MYH16: variants seen among roughly 807,000 people sequenced by gnomAD.
The protein encoded by MYH16 is putative uncharacterized protein MYH16.
chr7:99,292,530 A>G (rs142043869), intron 32 of MYH16, 22 bp downstream of exon 13: 2 of 455,722 alleles, frequency 4.4e-6, no homozygotes, highest in African/African-American at 2.0e-5. Flanking sequence ...CTTCCTGTTG[A>G]GAGAGCCAGG....
At chr7:99,245,068 G>A (rs1791712339) in intron 2 of MYH16, among the ~76,000 whole-genome samples, 1 of 152,206 alleles carries the variant, frequency 6.6e-6, no homozygotes, top group East Asian at 1.9e-4. Context: ...GACCACAGCA[G>A]GGAGGTAACT....
In MYH16 at chr7:99,278,839, G is replaced by C. The variant is rs189074781; in HGVS notation, n.2660-671G>C. Among the ~76,000 whole-genome samples the C allele has an allele frequency of 2.3e-3, 347 of 152,282 alleles. 1 individual carries two copies. The highest frequency in any genetic ancestry group is 8.2e-3 in the African/African-American group (341 of 41,562). On this transcript the variant is annotated intron_variant and non_coding_transcript_variant, in intron 21 of 41. Transcript: ENST00000439784. Reference sequence around the variant, plus strand: ...TCTTCATACCCCTGAGAAGTTGCTTGAACTGATATCCCCATTTTGTTTGTG... The same window carrying C: ...TCTTCATACCCCTGAGAAGTTGCTTCAACTGATATCCCCATTTTGTTTGTG...
rs1791682433 is a variant in MYH16 at position 99,242,995 on chromosome 7, A to T, written n.211-283A>T. On this transcript the variant is annotated intron_variant and non_coding_transcript_variant, in intron 1 of 41. Transcript: ENST00000439784. ...TAGGGAGGGAACGTCATAGTTTTTA[A>T]GGTATTTTTACATGATTCCACTTAA... Among the ~76,000 whole-genome samples, 3 of 152,232 alleles carry T rather than the reference A, an allele frequency of 2.0e-5. No homozygotes were observed. The South Asian group carries it at 6.2e-4, about 32-fold the overall frequency.
chr7:99,281,007 G>A (rs930834005), intron 23 of MYH16, 27 bp downstream of exon 5: 3 of 355,232 alleles, frequency 8.4e-6, no homozygotes, highest in South Asian at 4.1e-5. Flanking sequence ...TCTTCCCTCA[G>A]CCCAGCAGCT....
chr7:99,283,512 T>G (rs1584351998), intron 23 of MYH16, 53 bp from the exon 6 acceptor site: 1 of 454,324 alleles, frequency 2.2e-6, no homozygotes, highest in East Asian at 6.9e-5. Flanking sequence ...TCAGGACTGT[T>G]CAGCTGCTCC....
chr7:99,260,145 T>C, intron 11 of MYH16: 1 of 1,588,224 alleles, frequency 6.3e-7, no homozygotes, highest in Non-Finnish European at 8.6e-7. Flanking sequence ...CCCCTCTTTC[T>C]GCCCTCCTGC....
intron 41 of MYH16, among the ~76,000 whole-genome samples, chr7:99,306,360 T>G (rs1481552450): frequency 6.6e-6 from 1 of 152,004 alleles, no homozygotes; most frequent in Non-Finnish European, 1.5e-5. Context: ...GAAACCCATC[T>G]CTACTGAAAA....
intron 20 of MYH16, among the ~76,000 whole-genome samples, chr7:99,276,792 A>AT (rs1792117234): frequency 6.6e-6 from 1 of 152,176 alleles, no homozygotes; most frequent in African/African-American, 2.4e-5. Flanking sequence ...AGAGAGAGGG[A>AT]GAGTAAGAGA....
At chr7:99,289,722 G>A (rs1024970137) in intron 30 of MYH16, among the ~76,000 whole-genome samples, 1 of 152,142 alleles carries the variant, frequency 6.6e-6, no homozygotes, top group African/African-American at 2.4e-5. Flanking sequence ...GCGAACATGT[G>A]TCAACGATTT....
intron 1 of MYH16, among the ~76,000 whole-genome samples, chr7:99,241,291 C>A (rs975426693): frequency 3.9e-5 from 6 of 152,204 alleles, no homozygotes; most frequent in African/African-American, 7.2e-5. Context: ...CAGAATAAAA[C>A]CCAGCTTGAG....
At chr7:99,279,934 C>T (rs890651798) in intron 22 of MYH16, among the ~76,000 whole-genome samples, 197 bp downstream of exon 4, 1 of 152,198 alleles carries the variant, frequency 6.6e-6, no homozygotes, top group African/African-American at 2.4e-5. Flanking sequence ...GGCAGTAGTG[C>T]GACCTCAGCT....
chr7:99,284,037 C>T lies in MYH16; in HGVS notation n.3225+19C>T, dbSNP rs1478220738. ...TGAAAAAGTATGTCTTGTCGTCGTT[C>T]GTTTTGTCCATCACAATGGTAGCAA... On this transcript the variant is annotated intron_variant and non_coding_transcript_variant, in intron 25 of 41. Transcript: ENST00000439784. The T allele has an allele frequency of 2.3e-6, 1 of 437,688 alleles. No individual in the cohort carries two copies. 27.1% of individuals were successfully genotyped at this position (437,688 alleles called of 1,614,324 possible). A position where few individuals can be genotyped will look rare whatever the true frequency, so the allele number is the denominator to read the frequency against.
rs537552201 is a variant in MYH16, at chr7:99,257,124, C to T, written n.997-178C>T. 3.3e-5 allele frequency among the ~76,000 whole-genome samples: 5 copies of T among 152,268 alleles called. No homozygotes were observed. In the East Asian group the frequency reaches 5.8e-4, roughly 18 times the overall value. On this transcript the variant is annotated intron_variant and non_coding_transcript_variant, in intron 9 of 41. Transcript: ENST00000439784. ...GTAAATAAATGAAATGACTATATTG[C>T]AGAACATCTGATCTGGGCCCCTTGG...
In MYH16 at chr7:99,240,025, G is replaced by T. The variant is rs1381925334; in HGVS notation, n.210+987G>T. Among the ~76,000 whole-genome samples, 17 of 144,060 alleles carry T rather than the reference G, an allele frequency of 1.2e-4. No individual in the cohort carries two copies. The South Asian group carries it at 3.5e-3, about 30-fold the overall frequency. 94.5% of individuals were successfully genotyped at this position (144,060 alleles called of 152,430 possible). A position where few individuals can be genotyped will look rare whatever the true frequency, so the allele number is the denominator to read the frequency against. On this transcript the variant is annotated intron_variant and non_coding_transcript_variant, in intron 1 of 41. Coordinates refer to ENST00000439784, the Ensembl canonical transcript of MYH16. Reference sequence around the variant, plus strand: ...TGGTGAGACCCTATCTTTATTTTTAGAAAATAATAACAATTTTTATTAGAA... The same window carrying T: ...TGGTGAGACCCTATCTTTATTTTTATAAAATAATAACAATTTTTATTAGAA...
exon 32 of MYH16, chr7:99,292,390 C>A: frequency 2.2e-6 from 1 of 457,194 alleles, no homozygotes; most frequent in Non-Finnish European, 4.4e-6. Context: ...GGAGGAGGAG[C>A]AGGGAGGCAA....
Position 99,245,748 on chromosome 7 carries a change from G to A in MYH16, n.355-1846G>A, listed in dbSNP as rs140743170. Among the ~76,000 whole-genome samples the A allele has an allele frequency of 5.8e-3, 886 of 152,156 alleles. 8 individuals are homozygous for A. Among genetic ancestry groups the A allele is most frequent in the African/African-American group, 0.02 (814 of 41,548 alleles). ...TCACCATGTTGGTCACGCTGGTCTC[G>A]AACTCCTGACCCTGTGATCCGCCTG... On this transcript the variant is annotated intron_variant and non_coding_transcript_variant, in intron 2 of 41. Transcript: ENST00000439784.
rs766184861 is a variant in MYH16, at chr7:99,288,121, C to T, written n.3690C>T. On this transcript the variant is annotated non_coding_transcript_exon_variant, in exon 29 of 42. Coordinates refer to ENST00000439784, the Ensembl canonical transcript of MYH16. ...GATGACCTCAATGCCAGCATGGAGA[C>T]GATACAGAAGTCCAAGGTGAATAAC... 1.3e-5 allele frequency: 6 copies of T among 456,460 alleles called. 1 individual carries two copies. Among genetic ancestry groups the T allele is most frequent in the South Asian group, 4.6e-5 (3 of 64,564 alleles). 28.3% of individuals were successfully genotyped at this position (456,460 alleles called of 1,614,324 possible).
intron 6 of MYH16, among the ~76,000 whole-genome samples, chr7:99,251,758 C>T (rs570699310): frequency 4.0e-4 from 61 of 152,220 alleles, no homozygotes; most frequent in Middle Eastern, 3.4e-3. Flanking sequence ...TCCCTTGAGC[C>T]CAGGAGTTTG....
exon 36 of MYH16, chr7:99,297,935 A>T (rs1249053113): frequency 2.2e-6 from 1 of 456,754 alleles, no homozygotes; most frequent in Admixed American, 2.3e-5. Context: ...GAACTGGCTC[A>T]GGTTAAAGCT....
Sources: gnomAD v4.1 joint callset for allele counts (sites outside exome capture counted in the v4.1 genomes callset) on GRCh38, gnomAD v4.1.1 for gene constraint, MANE v1.5 for transcripts, NCBI Gene and HGNC (gene_info 2026-07-23, HGNC 2026-07-21) for gene names.